The following P2RX5 variants were observed in gnomAD, a reference collection of about 807,000 sequenced individuals.
P2RX5 encodes the protein P2X purinoceptor 5.
Under a neutral mutation model 54.1 loss-of-function variants are expected in P2RX5, and 46 were observed. The ratio of observed to expected loss-of-function variants is 0.85; its 90% confidence interval spans 0.67 to 1.09. The LOEUF is 1.09. Among genes scored for constraint, P2RX5 ranks in the 50% least tolerant of loss-of-function variants. The pLI is 0.00. For missense variants in P2RX5, 566 were observed against 549.8 expected (o/e 1.03, Z -0.29); for synonymous variants, 226 against 226.4 (o/e 1.00, Z 0.02).
intron 8 of P2RX5, 140 bp downstream of exon 8, chr17:3,688,486 C>T (rs1474914625): frequency 1.1e-6 from 1 of 923,990 alleles, no homozygotes; most frequent in East Asian, 2.4e-5. Flanking sequence ...CTGGGGTCCA[C>T]ACCTCTCCTG....
Position 3,673,603 on chromosome 17 carries a change from T to C in P2RX5, c.*265A>G. 7.1e-7 allele frequency: 1 copy of C among 1,413,214 alleles called. No homozygotes were observed. The highest frequency in any genetic ancestry group is 1.5e-5 in the South Asian group (1 of 66,216). The allele number at this position is 1,413,214 out of a possible 1,614,324, so 87.5% of individuals were successfully genotyped here. A position where few individuals can be genotyped will look rare whatever the true frequency, so the allele number is the denominator to read the frequency against. ...TCCCCATTTACAACCCGTTCCCTAG[T>C]GCGGGAAGCCAGCCACGGAGAAAGG... On this transcript the variant is annotated 3_prime_UTR_variant, in exon 12 of 12. Coordinates refer to ENST00000225328, the MANE Select transcript of P2RX5 (RefSeq NM_002561.4).
At chr17:3,699,095 C>CATATATA (rs60173844), upstream of P2RX5, among the ~76,000 whole-genome samples, 4 of 100,192 alleles carry the variant, frequency 4.0e-5, no homozygotes, top group Admixed American at 1.2e-4. Flanking sequence ...ACACACACAC[C>CATATATA]TATATATATA....
chr17:3,688,237 T>C (rs1195185884), intron 8 of P2RX5, 132 bp from the exon 9 acceptor site: 2 of 691,056 alleles, frequency 2.9e-6, no homozygotes, highest in Non-Finnish European at 5.3e-6. Context: ...AGGAGTGGCT[T>C]GCAGACCTTC....
chr17:3,693,329 C>T (rs1416762984), intron 1 of P2RX5, among the ~76,000 whole-genome samples: 1 of 152,066 alleles, frequency 6.6e-6, no homozygotes, highest in Non-Finnish European at 1.5e-5. Context: ...AATTAGAACC[C>T]CCGTATATCA....
chr17:3,675,560 T>G (rs2050084169), intron 11 of P2RX5: 2 of 826,432 alleles, frequency 2.4e-6, no homozygotes, highest in South Asian at 1.1e-4. Flanking sequence ...TTCACTTTCT[T>G]TTTTTTTTTT....
chr17:3,719,252 A>AT, the P2RX5 span, among the ~76,000 whole-genome samples: 1 of 130,308 alleles, frequency 7.7e-6, no homozygotes, highest in Non-Finnish European at 1.6e-5. Flanking sequence ...AAAAAAAAAA[A>AT]AAAAGAAAAG....
At chr17:3,689,715 A>G (rs2050547806) in intron 6 of P2RX5, 85 bp from the exon 7 acceptor site, 3 of 1,561,484 alleles carry the variant, frequency 1.9e-6, no homozygotes, top group Non-Finnish European at 8.8e-7. Flanking sequence ...TCCCTCACCA[A>G]CCTGAGTGCT....
upstream of P2RX5, among the ~76,000 whole-genome samples, chr17:3,699,148 C>CA (rs1447286549): frequency 6.6e-6 from 1 of 151,768 alleles, no homozygotes; most frequent in East Asian, 1.9e-4. Flanking sequence ...TTAATCCTAG[C>CA]ACCTTGGGAG....
intron 11 of P2RX5, among the ~76,000 whole-genome samples, chr17:3,679,348 G>A (rs1170766459): frequency 5.9e-5 from 9 of 152,172 alleles, no homozygotes; most frequent in Admixed American, 2.6e-4. Flanking sequence ...TCATCTGAGC[G>A]CCGGCATGGC....
At chr17:3,706,358 G>T in the P2RX5 span, among the ~76,000 whole-genome samples, 1 of 152,114 alleles carries the variant, frequency 6.6e-6, no homozygotes, top group Admixed American at 6.6e-5. Context: ...CGCTCTCAAA[G>T]TGCTGGGGTT....
the P2RX5 span, among the ~76,000 whole-genome samples, chr17:3,716,076 G>C: frequency 6.6e-6 from 1 of 151,482 alleles, no homozygotes; most frequent in African/African-American, 2.4e-5. Context: ...AGAATCTCTT[G>C]AACCCGGGGT....
At position 3,676,012 on chromosome 17, in the gene P2RX5, G is replaced by A. The variant is rs924064090; in HGVS notation, c.1260-2135C>T. 5 of 985,276 alleles carry A rather than the reference G, an allele frequency of 5.1e-6. No individual in the cohort carries two copies. In the African/African-American group the frequency reaches 5.2e-5, roughly 10 times the overall value. 61.0% of individuals were successfully genotyped at this position (985,276 alleles called of 1,614,324 possible). A position where few individuals can be genotyped will look rare whatever the true frequency, so the allele number is the denominator to read the frequency against. ...CTCTCCAAAGCCTCAGTGGAGGGATGCTCTCACCACCCCCGCCTTTCTGTG... is the reference window on the plus strand; with the variant it reads ...CTCTCCAAAGCCTCAGTGGAGGGATACTCTCACCACCCCCGCCTTTCTGTG... On this transcript the variant is annotated intron_variant, in intron 11 of 11. Transcript: ENST00000225328.
At chr17:3,707,380 G>T in the P2RX5 span, among the ~76,000 whole-genome samples, 1 of 152,160 alleles carries the variant, frequency 6.6e-6, no homozygotes, top group Non-Finnish European at 1.5e-5. Flanking sequence ...TCCTTAACCA[G>T]CTAGCCAATC....
chr17:3,681,752 G>T, intron 10 of P2RX5, 144 bp downstream of exon 10: 1 of 700,884 alleles, frequency 1.4e-6, no homozygotes, highest in Non-Finnish European at 2.6e-6. Context: ...TGTAGAGCAT[G>T]TACTCAGAAC....
chr17:3,710,359 G>A, the P2RX5 span, among the ~76,000 whole-genome samples: 7 of 151,720 alleles, frequency 4.6e-5, no homozygotes, highest in African/African-American at 1.2e-4. Flanking sequence ...CCTGGGAGGC[G>A]GAGGTTGCAG....
chr17:3,691,617 G>A, intron 2 of P2RX5, 27 bp downstream of exon 2: 1 of 1,613,946 alleles, frequency 6.2e-7, no homozygotes, highest in South Asian at 1.1e-5. Flanking sequence ...TGCCAGCCTT[G>A]GCCGTGTGCT....
the P2RX5 span, among the ~76,000 whole-genome samples, chr17:3,711,986 A>G: frequency 8.4e-6 from 1 of 118,688 alleles, no homozygotes; most frequent in Non-Finnish European, 1.8e-5. Context: ...CAATTGGATC[A>G]GCACGACTCA....
chr17:3,691,527 T>G lies in P2RX5; in HGVS notation c.288+117A>C, dbSNP rs949360794. 5.4e-6 allele frequency: 7 copies of G among 1,304,766 alleles called. No homozygotes were observed. In the African/African-American group the frequency reaches 1.0e-4, roughly 19 times the overall value. The allele number at this position is 1,304,766 out of a possible 1,614,324, so 80.8% of individuals were successfully genotyped here. A position where few individuals can be genotyped will look rare whatever the true frequency, so the allele number is the denominator to read the frequency against. ...TCTCTGCAAGCCCTGGCAGCTGTCT[T>G]GGGCCAAGAGAGATGATGGATGGGG... is the stretch of plus-strand genomic sequence containing the variant. On this transcript the variant is annotated intron_variant, in intron 2 of 11. Coordinates refer to ENST00000225328, the MANE Select transcript of P2RX5 (RefSeq NM_002561.4).
intron 8 of P2RX5, 87 bp from the exon 9 acceptor site, chr17:3,688,192 G>T: frequency 1.3e-6 from 1 of 768,272 alleles, no homozygotes; most frequent in Non-Finnish European, 2.3e-6. Context: ...TGGGGACTTA[G>T]AAGGACTCCC....
Sources: gnomAD v4.1 joint callset for allele counts (sites outside exome capture counted in the v4.1 genomes callset) on GRCh38, gnomAD v4.1.1 for gene constraint, MANE v1.5 for transcripts, NCBI Gene and HGNC (gene_info 2026-07-23, HGNC 2026-07-21) for gene names.